The following PHACTR1 variants were observed in gnomAD, a reference collection of about 807,000 sequenced individuals.
PHACTR1 encodes RPEL repeat containing 1.
In PHACTR1, 16 loss-of-function variants were observed where a neutral mutation model predicts 69.2. That is an observed-to-expected ratio of 0.23 (90% CI 0.16 to 0.35). The LOEUF is 0.35. Among genes scored for constraint, PHACTR1 ranks in the 10% least tolerant of loss-of-function variants. The pLI is 1.00. For missense variants in PHACTR1, 510 were observed against 734.7 expected, an observed-to-expected ratio of 0.69 and a Z score of 3.54; for synonymous variants, 312 against 284.5, an observed-to-expected ratio of 1.10 and a Z score of -0.97.
chr6:13,166,972 A>G (rs9463487), intron 6 of PHACTR1, among the ~76,000 whole-genome samples: 9,100 of 152,246 alleles, frequency 0.06, 739 homozygotes, highest in African/African-American at 0.18. Flanking sequence ...TTGGTCATTA[A>G]TAAAATAGTG....
At chr6:12,783,891 G>T (rs1366057098) in intron 4 of PHACTR1, among the ~76,000 whole-genome samples, 1 of 152,028 alleles carries the variant, frequency 6.6e-6, no homozygotes, top group Non-Finnish European at 1.5e-5. Context: ...CAGAGAAAGG[G>T]AAGATCAACA....
At chr6:12,858,879 A>G (rs1780669770) in intron 4 of PHACTR1, among the ~76,000 whole-genome samples, 1 of 152,150 alleles carries the variant, frequency 6.6e-6, no homozygotes, top group Non-Finnish European at 1.5e-5. Context: ...CTATTCATTG[A>G]GTGTTTAATT....
In PHACTR1 at chr6:12,717,734, A is replaced by G. The variant is rs1371567278; in HGVS notation, c.-56A>G. On this transcript the variant is annotated 5_prime_UTR_variant, in exon 2 of 15. Transcript: ENST00000332995. ...CGCTGACAGATAGCCTTTGATTTTT[A>G]TTTTTTGCAGTAAGTATATTTGCTA... is the stretch of plus-strand genomic sequence containing the variant. 6.6e-6 allele frequency: 1 copy of G among 152,070 alleles called. No individual in the cohort carries two copies. The highest frequency in any genetic ancestry group is 1.5e-5 in the Non-Finnish European group (1 of 68,004). 9.4% of individuals were successfully genotyped at this position (152,070 alleles called of 1,614,324 possible). A position where few individuals can be genotyped will look rare whatever the true frequency, so the allele number is the denominator to read the frequency against.
intron 13 of PHACTR1, among the ~76,000 whole-genome samples, chr6:13,285,400 C>T (rs977118061): frequency 1.3e-5 from 2 of 152,164 alleles, no homozygotes; most frequent in African/African-American, 4.8e-5. Flanking sequence ...CGGCCATAGA[C>T]AGAGCTATGC....
At chr6:13,254,257 A>T (rs544983224) in intron 10 of PHACTR1, among the ~76,000 whole-genome samples, 23,001 of 152,032 alleles carry the variant, frequency 0.15, 2,264 homozygotes, top group Admixed American at 0.26. Flanking sequence ...AATAAATTTA[A>T]AAAAAAACCA....
intron 4 of PHACTR1, among the ~76,000 whole-genome samples, chr6:12,839,053 G>A (rs2127739750): frequency 6.6e-6 from 1 of 152,234 alleles, no homozygotes; most frequent in African/African-American, 2.4e-5. Flanking sequence ...TGGAAGAAAG[G>A]AACTGTTATT....
intron 4 of PHACTR1, among the ~76,000 whole-genome samples, chr6:12,843,227 G>A (rs1373783080): frequency 6.6e-6 from 1 of 152,316 alleles, no homozygotes; most frequent in Non-Finnish European, 1.5e-5. Flanking sequence ...AGTTATTTCT[G>A]TAGCTCCAAT....
intron 4 of PHACTR1, among the ~76,000 whole-genome samples, chr6:12,844,518 A>T (rs1187910267): frequency 1.3e-5 from 2 of 152,208 alleles, no homozygotes; most frequent in African/African-American, 4.8e-5. Context: ...TTTATGATGT[A>T]CTGGGCAAAG....
chr6:13,123,375 A>G (rs1371262732), intron 5 of PHACTR1, among the ~76,000 whole-genome samples: 1 of 152,220 alleles, frequency 6.6e-6, no homozygotes, highest in Non-Finnish European at 1.5e-5. Context: ...TGGGGCTGTC[A>G]TGGAAGTATA....
chr6:13,022,990 C>T (rs1801198662), intron 4 of PHACTR1, among the ~76,000 whole-genome samples: 1 of 151,988 alleles, frequency 6.6e-6, no homozygotes, highest in Non-Finnish European at 1.5e-5. Flanking sequence ...GCACTCCAGG[C>T]TGGGCCATAG....
intron 4 of PHACTR1, among the ~76,000 whole-genome samples, chr6:12,845,183 T>G (rs1050764319): frequency 6.6e-6 from 1 of 152,242 alleles, no homozygotes; most frequent in African/African-American, 2.4e-5. Context: ...GTGTTTGGGC[T>G]GCTTATACAT....
intron 7 of PHACTR1, among the ~76,000 whole-genome samples, chr6:13,205,373 G>A (rs993805130): frequency 9.2e-5 from 14 of 152,162 alleles, no homozygotes; most frequent in Non-Finnish European, 2.9e-5. Flanking sequence ...TCCACCTCCC[G>A]ACATCCTTAC....
chr6:13,134,583 C>T (rs1177350756), intron 5 of PHACTR1, among the ~76,000 whole-genome samples: 1 of 151,966 alleles, frequency 6.6e-6, no homozygotes, highest in Admixed American at 6.5e-5. Context: ...TAAACAGATG[C>T]TTGAAGGCAG....
At chr6:13,270,850 T>C (rs1223398) in intron 10 of PHACTR1, among the ~76,000 whole-genome samples, 94,718 of 151,900 alleles carry the variant, frequency 0.62, 32,359 homozygotes, top group Non-Finnish European at 0.79. Flanking sequence ...TTCTGCAGGC[T>C]ATACAGGCAG....
In PHACTR1 at chr6:12,753,972, T is replaced by TATATATATA; in HGVS notation, c.250+4182_250+4183insATATATATA. On this transcript the variant is annotated intron_variant, in intron 4 of 14. Coordinates refer to ENST00000332995, the MANE Select transcript of PHACTR1 (RefSeq NM_030948.6). ...TATATATATATATATATATATATAT[T>TATATATATA]TTTTTTTTGAGACAGAGTCTCACTC... Among the ~76,000 whole-genome samples, 3 of 137,030 alleles carry TATATATATA rather than the reference T, an allele frequency of 2.2e-5. No homozygotes were observed. The East Asian group carries it at 6.6e-4, about 30-fold the overall frequency. The allele number at this position is 137,030 out of a possible 152,430, so 89.9% of individuals were successfully genotyped here. A position where few individuals can be genotyped will look rare whatever the true frequency, so the allele number is the denominator to read the frequency against.
chr6:12,813,318 C>G (rs927621559), intron 4 of PHACTR1, among the ~76,000 whole-genome samples: 2 of 152,146 alleles, frequency 1.3e-5, no homozygotes, highest in African/African-American at 4.8e-5. Flanking sequence ...TATACTTAAC[C>G]TTAGCTTCAT....
At chr6:12,749,109 G>C (rs1766186590) in intron 3 of PHACTR1, among the ~76,000 whole-genome samples, 1 of 152,260 alleles carries the variant, frequency 6.6e-6, no homozygotes, top group Non-Finnish European at 1.5e-5. Flanking sequence ...CTCCACGCAC[G>C]GAGCTGGGAC....
chr6:13,231,086 A>AGGGAAAG (rs369662349), intron 10 of PHACTR1, among the ~76,000 whole-genome samples: 1 of 40,480 alleles, frequency 2.5e-5, no homozygotes, highest in Non-Finnish European at 4.4e-5. Flanking sequence ...GAAGGAAGGA[A>AGGGAAAG]GAAGGAAGGA....
At chr6:13,220,941 C>A (rs780517945) in intron 8 of PHACTR1, among the ~76,000 whole-genome samples, 1 of 152,020 alleles carries the variant, frequency 6.6e-6, no homozygotes, top group Non-Finnish European at 1.5e-5. Flanking sequence ...AGTTAATTGG[C>A]GTGGGGGGTA....
Sources: allele counts gnomAD v4.1 joint callset (sites outside exome capture counted in the v4.1 genomes callset), GRCh38; gene constraint gnomAD v4.1.1; transcripts MANE v1.5; gene names NCBI Gene and HGNC (gene_info 2026-07-23, HGNC 2026-07-21).